MSRB3: variants seen among roughly 807,000 people sequenced by gnomAD.
MSRB3 encodes the protein methionine-R-sulfoxide reductase B3.
Under a neutral mutation model 21.0 loss-of-function variants are expected in MSRB3, and 13 were observed. The ratio of observed to expected loss-of-function variants is 0.62; its 90% CI spans 0.40 to 0.98. The LOEUF is 0.98. Among genes scored for constraint, MSRB3 ranks in the 50% least tolerant of loss-of-function variants. The pLI is 0.00. For missense variants in MSRB3, 199 were observed against 230.3 expected (o/e 0.86, Z 0.88); for synonymous variants, 87 against 88.6 (o/e 0.98, Z 0.10).
At chr12:65,410,027 T>C (rs1269609517) in intron 5 of MSRB3, among the ~76,000 whole-genome samples, 2 of 152,312 alleles carry the variant, frequency 1.3e-5, no homozygotes, top group African/African-American at 4.8e-5. Flanking sequence ...ATTTTCATTC[T>C]TTATGATATC....
intron 4 of MSRB3, among the ~76,000 whole-genome samples, chr12:65,346,766 G>A (rs1041108679): frequency 6.6e-6 from 1 of 152,064 alleles, no homozygotes; most frequent in African/African-American, 2.4e-5. Flanking sequence ...TTTTGTATAA[G>A]GTGTAAGGAA....
At chr12:65,360,107 T>A (rs1877615881) in intron 4 of MSRB3, among the ~76,000 whole-genome samples, 1 of 152,132 alleles carries the variant, frequency 6.6e-6, no homozygotes, top group Non-Finnish European at 1.5e-5. Context: ...TTCCTCTTTT[T>A]ATAAGGTCAC....
At chr12:65,401,349 C>A (rs141811059) in intron 5 of MSRB3, among the ~76,000 whole-genome samples, 155 of 152,260 alleles carry the variant, frequency 1.0e-3, no homozygotes, top group African/African-American at 3.4e-3. Context: ...GCATTGATTC[C>A]TTTACGATTA....
chr12:65,304,089 TG>T (rs1775307714), intron 1 of MSRB3, among the ~76,000 whole-genome samples: 1 of 152,156 alleles, frequency 6.6e-6, no homozygotes, highest in South Asian at 2.1e-4. Flanking sequence ...TTCTGGGGGC[TG>T]GGTGATAGGA....
chr12:65,354,338 T>A (rs535317953), intron 4 of MSRB3, among the ~76,000 whole-genome samples: 1 of 152,250 alleles, frequency 6.6e-6, no homozygotes, highest in East Asian at 1.9e-4. Flanking sequence ...CTTGGTTCCA[T>A]TCTTCCCGTC....
chr12:65,342,841 A>G (rs1261425201), intron 4 of MSRB3, among the ~76,000 whole-genome samples: 1 of 152,102 alleles, frequency 6.6e-6, no homozygotes, highest in Non-Finnish European at 1.5e-5. Flanking sequence ...TAAGTCTAAA[A>G]GAGTATTAAC....
intron 4 of MSRB3, among the ~76,000 whole-genome samples, chr12:65,350,766 C>A (rs1267035641): frequency 7.3e-6 from 1 of 136,800 alleles, no homozygotes; most frequent in Admixed American, 7.4e-5. Flanking sequence ...AGCTAACTAT[C>A]CTAAATATAT....
chr12:65,369,829 A>G (rs527309860), intron 5 of MSRB3, among the ~76,000 whole-genome samples: 1 of 152,224 alleles, frequency 6.6e-6, no homozygotes, highest in Non-Finnish European at 1.5e-5. Context: ...AGAAAAATAT[A>G]TAACTTGTTG....
At chr12:65,315,663 G>A (rs1465648638) in intron 2 of MSRB3, among the ~76,000 whole-genome samples, 2 of 97,738 alleles carry the variant, frequency 2.0e-5, no homozygotes, top group African/African-American at 9.0e-5. Flanking sequence ...GTGAGACTCT[G>A]TCTCCATCTC....
At chr12:65,288,513 G>A (rs1273462235) in intron 1 of MSRB3, among the ~76,000 whole-genome samples, 1 of 152,104 alleles carries the variant, frequency 6.6e-6, no homozygotes, top group Admixed American at 6.6e-5. Flanking sequence ...GTAGCCTAGT[G>A]TGCCCAGTAA....
At chr12:65,432,637 C>CCATTTGTAGCTTTT (rs1167409427) in intron 5 of MSRB3, among the ~76,000 whole-genome samples, 2 of 151,902 alleles carry the variant, frequency 1.3e-5, no homozygotes, top group Non-Finnish European at 1.5e-5. Flanking sequence ...CCCGCCATCC[C>CCATTTGTAGCTTTT]CATTTGTAGC....
chr12:65,407,612 C>A (rs752704671), intron 5 of MSRB3, among the ~76,000 whole-genome samples: 1 of 152,124 alleles, frequency 6.6e-6, no homozygotes, highest in Admixed American at 6.6e-5. Flanking sequence ...TTTGGAAAAT[C>A]CTCAGCCATT....
chr12:65,326,904 A>G lies in MSRB3; in HGVS notation c.155A>G (p.Tyr52Cys). The part of the protein sequence containing the change: ...ELRKRLTPLQ[Y>C]HVTQEKGTES... ...AGGAAGCGGCTAACACCCCTGCAGT[A>G]CCATGTCACTCAGGAGAAAGGGACC... Residue 52 changes from tyrosine to cysteine, a missense_variant, in exon 3 of 7, where the codon TAC (tyrosine) becomes TGC (cysteine). By Grantham distance (194) the Tyr-to-Cys change is radical. Transcript: ENST00000308259. 6.2e-7 allele frequency: 1 copy of G among 1,613,934 alleles called. No homozygotes were observed. Among genetic ancestry groups the G allele is most frequent in the Non-Finnish European group, 8.5e-7 (1 of 1,179,866 alleles).
At chr12:65,360,820 T>C (rs1458986630) in intron 4 of MSRB3, among the ~76,000 whole-genome samples, 1 of 152,186 alleles carries the variant, frequency 6.6e-6, no homozygotes, top group African/African-American at 2.4e-5. Flanking sequence ...CTCAAGTGCA[T>C]TGTGCCACTA....
intron 1 of MSRB3, chr12:65,286,046 G>A (rs1592487423): frequency 6.6e-6 from 1 of 152,044 alleles, no homozygotes. Flanking sequence ...AGTATCTGTT[G>A]ACTGAGAAAA....
intron 1 of MSRB3, among the ~76,000 whole-genome samples, chr12:65,287,768 G>A (rs1283600929): frequency 2.6e-5 from 4 of 152,110 alleles, no homozygotes; most frequent in East Asian, 3.9e-4. Flanking sequence ...TGAGGGCAGA[G>A]CATGTTTACC....
chr12:65,364,254 G>A (rs1877875930), intron 4 of MSRB3, among the ~76,000 whole-genome samples: 1 of 152,094 alleles, frequency 6.6e-6, no homozygotes, highest in Non-Finnish European at 1.5e-5. Flanking sequence ...TTAGTCATAT[G>A]GGTACAACTA....
intron 4 of MSRB3, among the ~76,000 whole-genome samples, chr12:65,348,914 C>CT (rs1565847051): frequency 6.9e-6 from 1 of 144,802 alleles, no homozygotes; most frequent in Non-Finnish European, 1.5e-5. Context: ...AGTTTCTTTT[C>CT]TTTTTTTATA....
At chr12:65,353,339 A>G (rs1270892091) in intron 4 of MSRB3, among the ~76,000 whole-genome samples, 3 of 152,072 alleles carry the variant, frequency 2.0e-5, no homozygotes, top group African/African-American at 7.2e-5. Context: ...AAAGTCTCCC[A>G]TTATTATTGT....
Sources: allele counts gnomAD v4.1 joint callset (sites outside exome capture counted in the v4.1 genomes callset), GRCh38; gene constraint gnomAD v4.1.1; transcripts MANE v1.5; gene names NCBI Gene and HGNC (gene_info 2026-07-23, HGNC 2026-07-21).